Variants in SPATC1L observed in about 807,000 individuals in gnomAD.
SPATC1L encodes the protein speriolin-like protein.
A neutral mutation model predicts 21.2 loss-of-function variants in SPATC1L; 20 were observed. The ratio of observed to expected loss-of-function variants is 0.94; its 90% CI spans 0.66 to 1.37. The LOEUF (loss-of-function observed/expected upper bound fraction) is 1.37, where lower values mean the gene tolerates loss of function less well. SPATC1L is among the 40% of genes most tolerant of loss of function. The pLI is 0.00. For missense variants in SPATC1L, 499 were observed against 478.7 expected (o/e 1.04, Z -0.40); for synonymous variants, 290 against 234.5 (o/e 1.24, Z -2.16).
At chr21:46,174,410 C>T (rs181200309) in intron 2 of SPATC1L, among the ~76,000 whole-genome samples, 3,379 of 151,080 alleles carry the variant, frequency 0.022, 57 homozygotes, top group Middle Eastern at 0.048. Flanking sequence ...ATGCTGTCTT[C>T]AAGAGACCCA....
chr21:46,161,343 C>T lies in SPATC1L; in HGVS notation c.*36G>A, dbSNP rs1267065387. On this transcript the variant is annotated 3_prime_UTR_variant, in exon 5 of 5. Transcript: ENST00000291672. ...CCGCGGCCCCGGGTTGGAACAAACG[C>T]GTTTACTGCAGGCAAGGCGGCGGGC... The T allele has an allele frequency of 2.7e-6, 4 of 1,478,082 alleles. No homozygotes were observed. Among genetic ancestry groups the T allele is most frequent in the African/African-American group, 1.4e-5 (1 of 70,726 alleles). The allele number at this position is 1,478,082 out of a possible 1,614,324, so 91.6% of individuals were successfully genotyped here. A position where few individuals can be genotyped will look rare whatever the true frequency, so the allele number is the denominator to read the frequency against.
intron 2 of SPATC1L, among the ~76,000 whole-genome samples, chr21:46,178,055 G>A (rs769943792): frequency 2.5e-4 from 38 of 151,974 alleles, no homozygotes; most frequent in Non-Finnish European, 1.0e-4. Context: ...CCAACATGGT[G>A]AAAACCATCT....
intron 2 of SPATC1L, among the ~76,000 whole-genome samples, chr21:46,178,690 C>T (rs2079650157): frequency 6.6e-6 from 1 of 151,804 alleles, no homozygotes; most frequent in Non-Finnish European, 1.5e-5. Context: ...AGTCCAAGAT[C>T]AGCCTAGCCA....
Position 46,170,450 on chromosome 21 carries a change from C to T in SPATC1L, c.194-1792G>A, listed in dbSNP as rs1476625189. On this transcript the variant is annotated intron_variant, in intron 2 of 4. Transcript: ENST00000291672. Reference sequence around the variant, plus strand: ...GTGGATGGGGAGGAGCCTCCCTGCTCTGTGAGCATCCTCTGTGGATGGGGA... The same window carrying T: ...GTGGATGGGGAGGAGCCTCCCTGCTTTGTGAGCATCCTCTGTGGATGGGGA... 2.3e-5 allele frequency among the ~76,000 whole-genome samples: 3 copies of T among 130,080 alleles called. No homozygotes were observed. In the East Asian group the frequency reaches 6.3e-4, roughly 27 times the overall value. The allele number at this position is 130,080 out of a possible 152,430, so 85.3% of individuals were successfully genotyped here. A position where few individuals can be genotyped will look rare whatever the true frequency, so the allele number is the denominator to read the frequency against.
intron 3 of SPATC1L, among the ~76,000 whole-genome samples, chr21:46,164,794 G>GAAAAAAAAAAAAAAAAAA (rs72042671): frequency 1.2e-5 from 1 of 86,474 alleles, no homozygotes; most frequent in Non-Finnish European, 2.5e-5. Flanking sequence ...TCCATCTCAA[G>GAAAAAAAAAAAAAAAAAA]AAAAAAAAAA....
Position 46,161,253 on chromosome 21 carries a change from GC to G in SPATC1L, c.*125del. 1 of 898,358 alleles carries G rather than the reference GC, an allele frequency of 1.1e-6. No homozygotes were observed. Among genetic ancestry groups the G allele is most frequent in the Non-Finnish European group, 1.6e-6 (1 of 636,270 alleles). The allele number at this position is 898,358 out of a possible 1,614,324, so 55.6% of individuals were successfully genotyped here. ...GGGGCCCAGCACCGGTGGGAGCGGG[GC>G]CTTCTCTGGCCTCGCGCGCGGGGGA... On this transcript the variant is annotated 3_prime_UTR_variant, in exon 5 of 5. Transcript: ENST00000291672.
In SPATC1L at chr21:46,161,606, A is replaced by G; in HGVS notation, c.796T>C (p.Tyr266His). The part of the protein sequence containing the change: ...ALSARLEKLG[Y>H]SRDVHPAFSE... The stretch of plus-strand genomic sequence containing the variant: ...AACGCCGGGTGCACGTCGCGGCTGT[A>G]GCCCAGCTTCTCCAGGCGCGCGCTC... Residue 266 changes from tyrosine to histidine, a missense_variant, in exon 5 of 5, where the codon TAC becomes CAC. By Grantham distance (83) the Tyr-to-His change is moderately conservative. Coordinates refer to ENST00000291672, the MANE Select transcript of SPATC1L (RefSeq NM_001142854.2). 1 of 1,610,532 alleles carries G rather than the reference A, an allele frequency of 6.2e-7. No homozygotes were observed. The highest frequency in any genetic ancestry group is 8.5e-7 in the Non-Finnish European group (1 of 1,179,084).
rs1294937319 is a variant in SPATC1L at position 46,161,207 on chromosome 21, G to C, written c.*172C>G. On this transcript the variant is annotated 3_prime_UTR_variant, in exon 5 of 5. Transcript: ENST00000291672. ...GGGGTGAGAAGCACTCCGCAGGTGC[G>C]GGCAGCGGCGGGCTGCGGTCGGGGC... is the stretch of plus-strand genomic sequence containing the variant. 5.8e-6 allele frequency: 3 copies of C among 518,362 alleles called. No homozygotes were observed. Among genetic ancestry groups the C allele is most frequent in the South Asian group, 3.8e-5 (1 of 26,334 alleles). The allele number at this position is 518,362 out of a possible 1,614,324, so 32.1% of individuals were successfully genotyped here. A position where few individuals can be genotyped will look rare whatever the true frequency, so the allele number is the denominator to read the frequency against.
intron 4 of SPATC1L, 88 bp downstream of exon 4, chr21:46,161,814 TCCTGCGGACAGTGC>T: frequency 1.3e-6 from 2 of 1,512,894 alleles, no homozygotes; most frequent in Non-Finnish European, 1.8e-6. Flanking sequence ...CGGGGTCCCC[TCCTGCGGACAGTGC>T]CCGGCCAGGA....
intron 2 of SPATC1L, among the ~76,000 whole-genome samples, chr21:46,179,044 G>T (rs2079652471): frequency 6.6e-6 from 1 of 151,404 alleles, no homozygotes; most frequent in Non-Finnish European, 1.5e-5. Flanking sequence ...TTTGGGACTG[G>T]CCTGGGCAAC....
At chr21:46,184,143 G>T (rs145516731) in intron 1 of SPATC1L, among the ~76,000 whole-genome samples, 1 of 152,150 alleles carries the variant, frequency 6.6e-6, no homozygotes, top group African/African-American at 2.4e-5. Context: ...GACCACGAGC[G>T]CCCGTGTCTA....
intron 3 of SPATC1L, 32 bp downstream of exon 3, chr21:46,168,276 G>C: frequency 5.4e-6 from 8 of 1,491,362 alleles, no homozygotes; most frequent in Non-Finnish European, 7.3e-6. Flanking sequence ...TGCACTGGGG[G>C]CCCCCCCAGG....
chr21:46,162,753 G>GTTTTTGTA (rs1450631624), intron 3 of SPATC1L, among the ~76,000 whole-genome samples: 1 of 151,974 alleles, frequency 6.6e-6, no homozygotes, highest in Admixed American at 6.6e-5. Flanking sequence ...ACCCAGCCAA[G>GTTTTTGTA]TTTTTGTATT....
chr21:46,161,617 T>C lies in SPATC1L; in HGVS notation c.785A>G (p.Glu262Gly). ...CACGTCGCGGCTGTAGCCCAGCTTC[T>C]CCAGGCGCGCGCTCAGGGCCAGGTA... Reference protein sequence around the residue: ...QRYLALSARLEKLGYSRDVHP... With the variant: ...QRYLALSARLGKLGYSRDVHP... Residue 262 changes from glutamate (E) to glycine (G), a missense_variant, in exon 5 of 5, where the codon GAG becomes GGG. By Grantham distance (98) the Glu-to-Gly change is moderately conservative. Transcript: ENST00000291672. The C allele has an allele frequency of 6.2e-7, 1 of 1,610,426 alleles. No homozygotes were observed. The highest frequency in any genetic ancestry group is 8.5e-7 in the Non-Finnish European group (1 of 1,179,064).
chr21:46,161,318 C>T lies in SPATC1L; in HGVS notation c.*61G>A. 7.1e-7 allele frequency: 1 copy of T among 1,416,502 alleles called. No homozygotes were observed. The highest frequency in any genetic ancestry group is 2.5e-5 in the East Asian group (1 of 39,624). The allele number at this position is 1,416,502 out of a possible 1,614,324, so 87.7% of individuals were successfully genotyped here. A position where few individuals can be genotyped will look rare whatever the true frequency, so the allele number is the denominator to read the frequency against. On this transcript the variant is annotated 3_prime_UTR_variant, in exon 5 of 5. Coordinates refer to ENST00000291672, the MANE Select transcript of SPATC1L (RefSeq NM_001142854.2). ...CCTCCGGGGGGACGCGCAGGAGGCA[C>T]CGCGGCCCCGGGTTGGAACAAACGC... is the stretch of plus-strand genomic sequence containing the variant.
At position 46,161,460 on chromosome 21, in the gene SPATC1L, C is replaced by A; in HGVS notation, c.942G>T (p.Lys314Asn). The A allele has an allele frequency of 6.3e-7, 1 of 1,595,012 alleles. No individual in the cohort carries two copies. The highest frequency in any genetic ancestry group is 8.6e-7 in the Non-Finnish European group (1 of 1,168,776). The change falls in exon 5 of 5, where the codon AAG (lysine) becomes AAT (asparagine). Residue 314 changes from lysine to asparagine, a missense_variant. Coordinates refer to ENST00000291672, the MANE Select transcript of SPATC1L (RefSeq NM_001142854.2). Reference sequence around the variant, plus strand: ...GCAGCAGCAGCGAGTCGCCCAGGAACTTGGGGGGCACCACGTCGATGACCA... The same window carrying A: ...GCAGCAGCAGCGAGTCGCCCAGGAAATTGGGGGGCACCACGTCGATGACCA... The part of the protein sequence containing the change: ...RKLVIDVVPP[K>N]FLGDSLLLLN...
At position 46,171,320 on chromosome 21, in the gene SPATC1L, C is replaced by T. The variant is rs139601897; in HGVS notation, c.194-2662G>A. Among the ~76,000 whole-genome samples, 422 of 151,926 alleles carry T rather than the reference C, an allele frequency of 2.8e-3. 2 individuals are homozygous for T. The highest frequency in any genetic ancestry group is 3.9e-3 in the Non-Finnish European group (266 of 67,998). ...GCAAATACATATTAGAGAAAGTGTT[C>T]GGAGCCATATCAAAAAATTATACCT... On this transcript the variant is annotated intron_variant, in intron 2 of 4. Transcript: ENST00000291672.
At chr21:46,182,535 G>A (rs939709081) in intron 2 of SPATC1L, 89 bp downstream of exon 2, 11 of 1,261,122 alleles carry the variant, frequency 8.7e-6, no homozygotes, top group Non-Finnish European at 1.1e-6. Flanking sequence ...TCCCGCATCA[G>A]GGAGCTGGCC....
chr21:46,177,862 C>A (rs7281813), intron 2 of SPATC1L, among the ~76,000 whole-genome samples: 17,543 of 152,174 alleles, frequency 0.12, 1,819 homozygotes, highest in African/African-American at 0.28. Context: ...ACGGAATCAA[C>A]TTAAATGCCC....
Sources: allele counts gnomAD v4.1 joint callset (sites outside exome capture counted in the v4.1 genomes callset), GRCh38; gene constraint gnomAD v4.1.1; transcripts MANE v1.5; gene names NCBI Gene and HGNC (gene_info 2026-07-23, HGNC 2026-07-21).